SENP1: variants seen among roughly 807,000 people sequenced by gnomAD.
SENP1 encodes SUMO specific peptidase 1.
SENP1 carries 21 observed loss-of-function variants against 93.0 expected under a neutral mutation model. That is an observed-to-expected ratio of 0.23 (90% CI 0.16 to 0.33). SENP1 has a LOEUF of 0.33. Among genes scored for constraint, SENP1 ranks in the 10% least tolerant of loss-of-function variants. The pLI is 1.00. For synonymous variants in SENP1, 256 were observed against 259.6 expected, an observed-to-expected ratio of 0.99 and a Z score of 0.13; for missense variants, 591 against 758.7, an observed-to-expected ratio of 0.78 and a Z score of 2.60.
At chr12:48,047,568 C>T (rs958820461) in intron 15 of SENP1, among the ~76,000 whole-genome samples, 2 of 152,176 alleles carry the variant, frequency 1.3e-5, no homozygotes, top group Non-Finnish European at 2.9e-5. Flanking sequence ...AATGTACTTC[C>T]TCCTGGCCAT....
At chr12:48,055,849 TGTATAAG>T (rs1208009264) in intron 13 of SENP1, among the ~76,000 whole-genome samples, 2 of 143,452 alleles carry the variant, frequency 1.4e-5, no homozygotes, top group Admixed American at 1.4e-4. Context: ...TATATATTAA[TGTATAAG>T]GTATAATATA....
chr12:48,083,652 C>G lies in SENP1; in HGVS notation c.491G>C (p.Cys164Ser). The G allele has an allele frequency of 6.2e-7, 1 of 1,613,816 alleles. No homozygotes were observed. The highest frequency in any genetic ancestry group is 8.5e-7 in the Non-Finnish European group (1 of 1,179,816). ...PVPSPSWSGS[C>S]RRSLLSPKKT... ...CTTGGGGCTCAAAAGACTTCGACGA[C>G]ATGAACCACTCCAAGATGGACTTGG... Residue 164 changes from cysteine to serine, a missense_variant, in exon 6 of 18, where the codon TGT becomes TCT. Around this residue, in one of 4 missense-constraint regions of SENP1, gnomAD observed 214 missense variants for 243.4 expected, o/e 0.88. Coordinates refer to ENST00000549518, the MANE Select transcript of SENP1 (RefSeq NM_001267594.2).
chr12:48,056,820 AAATATATTTAACATATTACATATTACAT>A lies in SENP1; in HGVS notation c.1407+6862_1407+6889del, dbSNP rs1444480911. Among the ~76,000 whole-genome samples, 23 of 57,544 alleles carry A rather than the reference AAATATATTTAACATATTACATATTACAT, an allele frequency of 4.0e-4. 1 individual carries two copies. The highest frequency in any genetic ancestry group is 1.2e-3 in the East Asian group (1 of 860). The allele number at this position is 57,544 out of a possible 152,430, so 37.8% of individuals were successfully genotyped here. On this transcript the variant is annotated intron_variant, in intron 13 of 17. Transcript: ENST00000549518. ...TTAATATATTACATATTACATATAT[AAATATATTTAACATATTACATATTACAT>A]ATATATTATTTAATATATTACATAT...
chr12:48,095,137 G>A (rs7296913), intron 4 of SENP1, among the ~76,000 whole-genome samples: 34,536 of 152,036 alleles, frequency 0.23, 4,587 homozygotes, highest in East Asian at 0.55. Flanking sequence ...TCCTACTAAC[G>A]TCTTTTTAGG....
Position 48,074,318 on chromosome 12 carries a change from G to A in SENP1, c.940+6C>T. On this transcript the variant is annotated splice_donor_region_variant and intron_variant, in intron 8 of 17. Transcript: ENST00000549518. ...TAAAAATGTAGTTATATGATACCAT[G>A]TTTACCTTCAGATTGTGTATTTGAA... 2 of 1,606,020 alleles carry A rather than the reference G, an allele frequency of 1.2e-6. No homozygotes were observed. The highest frequency in any genetic ancestry group is 1.7e-6 in the Non-Finnish European group (2 of 1,174,344).
chr12:48,071,831 T>C (rs1267796129), intron 8 of SENP1, 110 bp from the exon 9 acceptor site: 1 of 701,744 alleles, frequency 1.4e-6, no homozygotes, highest in African/African-American at 1.8e-5. Context: ...TCCACAAAAA[T>C]AACATAAGAA....
chr12:48,058,120 A>AT (rs1240597384), intron 13 of SENP1, among the ~76,000 whole-genome samples: 3 of 140,838 alleles, frequency 2.1e-5, no homozygotes, highest in Non-Finnish European at 4.7e-5. Context: ...TAATTTTTGT[A>AT]TTTTTTGTAG....
intron 13 of SENP1, among the ~76,000 whole-genome samples, chr12:48,050,185 A>G (rs1941691655): frequency 6.6e-6 from 1 of 152,242 alleles, no homozygotes; most frequent in Admixed American, 6.5e-5. Flanking sequence ...CGGCTTGGAA[A>G]TATGACTAAG....
chr12:48,073,637 G>C (rs550195192), intron 8 of SENP1, among the ~76,000 whole-genome samples: 1 of 152,192 alleles, frequency 6.6e-6, no homozygotes, highest in South Asian at 2.1e-4. Flanking sequence ...AATGCAAAGA[G>C]AGTGAATATT....
intron 1 of SENP1, among the ~76,000 whole-genome samples, chr12:48,104,256 C>G (rs908982131): frequency 4.7e-5 from 1 of 21,484 alleles, no homozygotes; most frequent in Non-Finnish European, 1.1e-4. Flanking sequence ...GAGAGAGAGA[C>G]GGGGGGGGGG....
intron 9 of SENP1, 116 bp from the exon 10 acceptor site, chr12:48,067,081 TG>T: frequency 1.4e-6 from 1 of 690,634 alleles, no homozygotes; most frequent in East Asian, 2.8e-5. Context: ...TTTACAAGTA[TG>T]GAATAAGTAA....
Position 48,083,652 on chromosome 12 carries a change from C to T in SENP1, c.491G>A (p.Cys164Tyr). The T allele has an allele frequency of 6.2e-7, 1 of 1,613,816 alleles. No homozygotes were observed. Among genetic ancestry groups the T allele is most frequent in the South Asian group, 1.1e-5 (1 of 91,072 alleles). Residue 164 changes from cysteine to tyrosine, a missense_variant, in exon 6 of 18, where the codon TGT (cysteine) becomes TAT (tyrosine). Transcript: ENST00000549518. The stretch of plus-strand genomic sequence containing the variant: ...CTTGGGGCTCAAAAGACTTCGACGA[C>T]ATGAACCACTCCAAGATGGACTTGG... ...PVPSPSWSGSCRRSLLSPKKT... is the reference protein window; with the variant it reads ...PVPSPSWSGSYRRSLLSPKKT...
At position 48,046,969 on chromosome 12, in the gene SENP1, G is replaced by A; in HGVS notation, c.1776+9C>T. ...TTTAGGACTTTTATTTCATCAAGAT[G>A]AAAGGTACCTGGCTTTTCTTGCTGA... is the stretch of plus-strand genomic sequence containing the variant. On this transcript the variant is annotated intron_variant, in intron 16 of 17. Transcript: ENST00000549518. 1 of 1,589,326 alleles carries A rather than the reference G, an allele frequency of 6.3e-7. No individual in the cohort carries two copies. The highest frequency in any genetic ancestry group is 2.2e-5 in the East Asian group (1 of 44,748).
chr12:48,043,350 C>G lies in SENP1; in HGVS notation c.*1972G>C, dbSNP rs1179287076. 1 of 152,598 alleles carries G rather than the reference C, an allele frequency of 6.6e-6. No individual in the cohort carries two copies. Among genetic ancestry groups the G allele is most frequent in the Non-Finnish European group, 1.5e-5 (1 of 68,040 alleles). 9.5% of individuals were successfully genotyped at this position (152,598 alleles called of 1,614,324 possible). On this transcript the variant is annotated 3_prime_UTR_variant, in exon 18 of 18. Coordinates refer to ENST00000549518, the MANE Select transcript of SENP1 (RefSeq NM_001267594.2). ...TACCTAAATGGACAAACAATAAATACAGAGAACAATCTTGTTCTGAGTCCC... is the reference window on the plus strand; with the variant it reads ...TACCTAAATGGACAAACAATAAATAGAGAGAACAATCTTGTTCTGAGTCCC...
At chr12:48,060,723 C>T (rs557456795) in intron 13 of SENP1, among the ~76,000 whole-genome samples, 1 of 152,296 alleles carries the variant, frequency 6.6e-6, no homozygotes, top group South Asian at 2.1e-4. Flanking sequence ...GTTCGGATTA[C>T]AGGCATGAGC....
rs117100618 is a variant in SENP1, at chr12:48,087,952, A to G, written c.380+849T>C. Among the ~76,000 whole-genome samples the G allele has an allele frequency of 7.7e-3, 1,168 of 152,362 alleles. 5 individuals carry two copies. Among genetic ancestry groups the G allele is most frequent in the Non-Finnish European group, 0.013 (886 of 68,030 alleles). ...CTAATATAACAAAATATCTGAGGGA[A>G]AAGTTTCTAAGCCAGATTTCATCTG... On this transcript the variant is annotated intron_variant, in intron 5 of 17. Transcript: ENST00000549518.
At chr12:48,089,081 AAG>A in intron 4 of SENP1, 121 bp from the exon 5 acceptor site, 3 of 1,544,808 alleles carry the variant, frequency 1.9e-6, no homozygotes, top group Non-Finnish European at 2.6e-6. Context: ...TCTCTCATGG[AAG>A]AAAGATCCCA....
chr12:48,058,979 G>A (rs576988003), intron 13 of SENP1, among the ~76,000 whole-genome samples: 34 of 152,224 alleles, frequency 2.2e-4, no homozygotes, highest in African/African-American at 7.2e-4. Context: ...CATCGTTTCC[G>A]ACAGTTATTC....
rs370210767 is a variant in SENP1 at position 48,057,941 on chromosome 12, CTTTT to C, written c.1407+5765_1407+5768del. 4.6e-3 allele frequency among the ~76,000 whole-genome samples: 393 copies of C among 85,678 alleles called. 2 individuals are homozygous for C. Among genetic ancestry groups the C allele is most frequent in the African/African-American group, 0.016 (338 of 20,542 alleles). The allele number at this position is 85,678 out of a possible 152,430, so 56.2% of individuals were successfully genotyped here. On this transcript the variant is annotated intron_variant, in intron 13 of 17. Coordinates refer to ENST00000549518, the MANE Select transcript of SENP1 (RefSeq NM_001267594.2). ...TTTCACCTGTTTCATTTTATTTCCT[CTTTT>C]TTTTTTTTTTTTTTTTTTTGAGATA...
Sources: gnomAD v4.1 joint callset for allele counts (sites outside exome capture counted in the v4.1 genomes callset) on GRCh38, gnomAD v4.1.1 for gene constraint, gnomAD v4.1.1 regional missense constraint, MANE v1.5 for transcripts, NCBI Gene and HGNC (gene_info 2026-07-23, HGNC 2026-07-21) for gene names.